IFTAP: variants seen among roughly 807,000 people sequenced by gnomAD.
The protein encoded by IFTAP is intraflagellar transport-associated protein.
Under a neutral mutation model 19.4 loss-of-function variants are expected in IFTAP, and 19 were observed. That is an observed-to-expected ratio of 0.98 (90% CI 0.68 to 1.44). The LOEUF (loss-of-function observed/expected upper bound fraction) is 1.44. Ranked by LOEUF, IFTAP falls within the 40% of genes most tolerant of loss-of-function variation. The probability of loss-of-function intolerance (pLI) is 0.00; values close to 1 mark genes in which losing one functional copy is unlikely to be tolerated. For synonymous variants in IFTAP, 85 were observed against 83.5 expected (o/e 1.02, Z -0.10); for missense variants, 240 against 253.6 (o/e 0.95, Z 0.36).
intron 3 of IFTAP, among the ~76,000 whole-genome samples, 170 bp from the exon 4 acceptor site, chr11:36,635,881 C>G (rs1194568616): frequency 6.6e-6 from 1 of 152,118 alleles, no homozygotes; most frequent in Non-Finnish European, 1.5e-5. Context: ...TCAGATGTCT[C>G]TTGGGAAAGC....
At chr11:36,635,440 A>G (rs1498343) in intron 3 of IFTAP, among the ~76,000 whole-genome samples, 23,494 of 152,140 alleles carry the variant, frequency 0.15, 2,620 homozygotes, top group African/African-American at 0.31. Context: ...AAATGCTGCT[A>G]TTGTGTCTGT....
intron 3 of IFTAP, 69 bp downstream of exon 3, chr11:36,633,507 A>G (rs1852808270): frequency 7.9e-7 from 1 of 1,268,114 alleles, no homozygotes; most frequent in Non-Finnish European, 1.0e-6. Context: ...ATCAAAAAAA[A>G]GAGACCCTAC....
At chr11:36,623,732 A>G (rs1852396413) in intron 2 of IFTAP, among the ~76,000 whole-genome samples, 1 of 152,200 alleles carries the variant, frequency 6.6e-6, no homozygotes, top group African/African-American at 2.4e-5. Flanking sequence ...TAGGGAGACC[A>G]CACAGGCTGT....
intron 2 of IFTAP, among the ~76,000 whole-genome samples, chr11:36,616,601 C>T (rs1852100720): frequency 1.3e-5 from 2 of 151,880 alleles, no homozygotes; most frequent in Admixed American, 1.3e-4. Flanking sequence ...TTCAGTTTTT[C>T]TCAGATTTTA....
chr11:36,645,786 T>C (rs974239444), intron 4 of IFTAP, among the ~76,000 whole-genome samples: 2 of 152,162 alleles, frequency 1.3e-5, no homozygotes, highest in Non-Finnish European at 2.9e-5. Context: ...GAAAGTCTTA[T>C]TCCTGTAACG....
At position 36,616,589 on chromosome 11, in the gene IFTAP, G is replaced by C. The variant is rs1304567238; in HGVS notation, c.136+6350G>C. Among the ~76,000 whole-genome samples the C allele has an allele frequency of 2.0e-5, 3 of 151,896 alleles. No individual in the cohort carries two copies. In the South Asian group the frequency reaches 6.2e-4, roughly 32 times the overall value. ...TCGGAGTTTCAACACCGTTGAATAG[G>C]TTTCAGTTTTTCTCAGATTTTAATA... On this transcript the variant is annotated intron_variant, in intron 2 of 5. Transcript: ENST00000334307.
chr11:36,658,025 T>A (rs931017968), intron 5 of IFTAP, among the ~76,000 whole-genome samples: 1 of 152,236 alleles, frequency 6.6e-6, no homozygotes, highest in Admixed American at 6.5e-5. Context: ...TTATTTTTTC[T>A]TTCACCTTTA....
At chr11:36,638,757 G>T (rs1290420691) in intron 4 of IFTAP, among the ~76,000 whole-genome samples, 1 of 152,176 alleles carries the variant, frequency 6.6e-6, no homozygotes, top group Non-Finnish European at 1.5e-5. Flanking sequence ...CAACAGATTT[G>T]CTTGGGGCAA....
chr11:36,602,854 G>A (rs1432531994), intron 1 of IFTAP, among the ~76,000 whole-genome samples: 12 of 151,890 alleles, frequency 7.9e-5, no homozygotes, highest in Non-Finnish European at 1.5e-4. Context: ...AGCAAAAATG[G>A]TAGTGAAAAG....
chr11:36,630,989 C>G (rs16929222), intron 2 of IFTAP, among the ~76,000 whole-genome samples: 14,778 of 151,204 alleles, frequency 0.098, 1,271 homozygotes, highest in African/African-American at 0.16. Flanking sequence ...TGCTGTTTGC[C>G]CTAGGACTGA....
chr11:36,606,462 T>TAA (rs1165651066), intron 1 of IFTAP, among the ~76,000 whole-genome samples: 1 of 151,744 alleles, frequency 6.6e-6, no homozygotes, highest in Admixed American at 6.6e-5. Flanking sequence ...AATAAATAAA[T>TAA]AGTCAATAAA....
At chr11:36,631,373 G>A (rs755081319) in intron 2 of IFTAP, among the ~76,000 whole-genome samples, 1 of 151,216 alleles carries the variant, frequency 6.6e-6, no homozygotes, top group Non-Finnish European at 1.5e-5. Context: ...TTCCCTCTCT[G>A]GCTTATTAAT....
chr11:36,628,768 G>T (rs1852618328), intron 2 of IFTAP, among the ~76,000 whole-genome samples: 1 of 151,180 alleles, frequency 6.6e-6, no homozygotes, highest in Non-Finnish European at 1.5e-5. Context: ...TACTGCTATT[G>T]TGTCCCTCAT....
At chr11:36,646,997 A>AT (rs1030718276) in intron 4 of IFTAP, among the ~76,000 whole-genome samples, 39 of 152,074 alleles carry the variant, frequency 2.6e-4, no homozygotes, top group Admixed American at 2.0e-3. Context: ...TTGTAATTAT[A>AT]TTTTTTTGTG....
intron 2 of IFTAP, among the ~76,000 whole-genome samples, chr11:36,627,556 G>T (rs972498695): frequency 6.6e-6 from 1 of 151,088 alleles, no homozygotes; most frequent in Non-Finnish European, 1.5e-5. Flanking sequence ...AAAGGGCTGT[G>T]GTGCAAAAAA....
chr11:36,652,208 T>A (rs908340551), intron 5 of IFTAP, among the ~76,000 whole-genome samples: 4 of 152,218 alleles, frequency 2.6e-5, no homozygotes, highest in Non-Finnish European at 5.9e-5. Flanking sequence ...TCCATTTGTT[T>A]GTGTTCTCTT....
At chr11:36,623,684 T>C (rs1386528189) in intron 2 of IFTAP, among the ~76,000 whole-genome samples, 1 of 152,194 alleles carries the variant, frequency 6.6e-6, no homozygotes, top group Non-Finnish European at 1.5e-5. Context: ...GTGTTCTCTG[T>C]GAGTGTTTTG....
intron 3 of IFTAP, among the ~76,000 whole-genome samples, chr11:36,634,130 C>T (rs1852843414): frequency 6.6e-6 from 1 of 152,052 alleles, no homozygotes; most frequent in African/African-American, 2.4e-5. Context: ...CCTGAACTTG[C>T]TTCCAGAGAG....
intron 2 of IFTAP, among the ~76,000 whole-genome samples, chr11:36,611,421 T>G (rs1026811591): frequency 3.3e-5 from 5 of 152,078 alleles, no homozygotes; most frequent in Non-Finnish European, 5.9e-5. Flanking sequence ...GCTTCTAATA[T>G]GTACTCAAGG....
Sources: allele counts gnomAD v4.1 joint callset (sites outside exome capture counted in the v4.1 genomes callset), GRCh38; gene constraint gnomAD v4.1.1; transcripts MANE v1.5; gene names NCBI Gene and HGNC (gene_info 2026-07-23, HGNC 2026-07-21).